The following DOK6 variants were observed in gnomAD, a reference collection of about 807,000 sequenced individuals.
DOK6 encodes the protein downstream of tyrosine kinase 6.
A neutral mutation model predicts 44.0 loss-of-function variants in DOK6; 22 were observed. The observed-to-expected ratio is 0.50, with a 90% confidence interval of 0.36 to 0.71. The LOEUF (loss-of-function observed/expected upper bound fraction) is 0.71. DOK6 is among the 30% of genes least tolerant of loss of function. The pLI is 0.00. For synonymous variants in DOK6, 166 were observed against 145.5 expected (o/e 1.14, Z -1.01); for missense variants, 340 against 416.4 (o/e 0.82, Z 1.60).
chr18:69,487,862 T>C (rs1980626735), intron 1 of DOK6, among the ~76,000 whole-genome samples: 1 of 152,194 alleles, frequency 6.6e-6, no homozygotes, highest in Non-Finnish European at 1.5e-5. Context: ...ACTCCCCAAA[T>C]GCTTTCACAA....
At chr18:69,465,907 A>G (rs1208860427) in intron 1 of DOK6, among the ~76,000 whole-genome samples, 3 of 152,210 alleles carry the variant, frequency 2.0e-5, no homozygotes, top group Admixed American at 2.0e-4. Context: ...TGATACCTTA[A>G]ACATTTATAG....
At chr18:69,443,420 T>C (rs961909) in intron 1 of DOK6, among the ~76,000 whole-genome samples, 30,261 of 152,086 alleles carry the variant, frequency 0.2, 3,400 homozygotes, top group Non-Finnish European at 0.23. Context: ...TATCTTCTCT[T>C]TGTTCTGCAG....
intron 7 of DOK6, among the ~76,000 whole-genome samples, chr18:69,771,169 T>C (rs911168973): frequency 6.6e-6 from 1 of 152,036 alleles, no homozygotes; most frequent in African/African-American, 2.4e-5. Context: ...TGAAGAAATA[T>C]GTGAATAAAA....
At chr18:69,813,935 A>G (rs1194910432) in intron 7 of DOK6, among the ~76,000 whole-genome samples, 2 of 152,174 alleles carry the variant, frequency 1.3e-5, no homozygotes, top group Non-Finnish European at 2.9e-5. Flanking sequence ...AAGTAATTAT[A>G]TGTGAAAATA....
intron 1 of DOK6, among the ~76,000 whole-genome samples, chr18:69,495,590 G>A (rs562891257): frequency 1.3e-4 from 20 of 152,260 alleles, no homozygotes; most frequent in East Asian, 7.7e-4. Context: ...AGCTATAGGC[G>A]GGCCCAGAAA....
chr18:69,635,348 C>T (rs953986540), intron 3 of DOK6, among the ~76,000 whole-genome samples: 4 of 152,054 alleles, frequency 2.6e-5, no homozygotes, highest in African/African-American at 9.7e-5. Context: ...CTGTGCAGGA[C>T]GTAGAAATGT....
chr18:69,471,250 CAAAA>C (rs71176969), intron 1 of DOK6, among the ~76,000 whole-genome samples: 621 of 27,694 alleles, frequency 0.022, 2 homozygotes, highest in African/African-American at 0.066. Context: ...AACTCCATCT[CAAAA>C]AAAAAAAAAA....
At chr18:69,606,857 A>G (rs1030938424) in intron 3 of DOK6, among the ~76,000 whole-genome samples, 1 of 144,876 alleles carries the variant, frequency 6.9e-6, no homozygotes, top group African/African-American at 2.6e-5. Context: ...TCCGCCTCCC[A>G]GGTTCAAGCA....
chr18:69,566,177 A>G (rs7232301), intron 2 of DOK6, among the ~76,000 whole-genome samples: 145,627 of 152,060 alleles, frequency 0.96, 70,075 homozygotes, highest in Non-Finnish European at 1. Flanking sequence ...TGGCTCTGTC[A>G]CCCAGGCTGG....
Position 69,725,365 on chromosome 18 carries a change from C to A in DOK6, c.600-13600C>A, listed in dbSNP as rs534116564. Among the ~76,000 whole-genome samples the A allele has an allele frequency of 3.0e-3, 450 of 152,264 alleles. 1 individual carries two copies. The highest frequency in any genetic ancestry group is 5.4e-3 in the Non-Finnish European group (370 of 68,020). The stretch of plus-strand genomic sequence containing the variant: ...GTTCTGTAAGGAGGCTTTCTGTAGC[C>A]CTTGGTTCTTTCTTCATGTTCAAAA... On this transcript the variant is annotated intron_variant, in intron 5 of 7. Coordinates refer to ENST00000382713, the MANE Select transcript of DOK6 (RefSeq NM_152721.6).
intron 4 of DOK6, 22 bp from the exon 5 acceptor site, chr18:69,698,382 T>G: frequency 6.3e-7 from 1 of 1,587,760 alleles, no homozygotes; most frequent in South Asian, 1.2e-5. Context: ...CTTAACCTTC[T>G]CCATTCTTCG....
intron 1 of DOK6, among the ~76,000 whole-genome samples, chr18:69,406,847 G>A (rs1200466926): frequency 2.6e-5 from 4 of 152,268 alleles, no homozygotes; most frequent in Non-Finnish European, 2.9e-5. Flanking sequence ...TTGGGAGGCC[G>A]AGGCTGGCGG....
chr18:69,516,380 C>T (rs1449542338), intron 1 of DOK6, among the ~76,000 whole-genome samples: 1 of 152,076 alleles, frequency 6.6e-6, no homozygotes, highest in Non-Finnish European at 1.5e-5. Flanking sequence ...ACCAACTCTG[C>T]CTGAGGGAAC....
intron 1 of DOK6, among the ~76,000 whole-genome samples, chr18:69,545,516 CAAAAAAA>C (rs397760145): frequency 5.7e-5 from 4 of 69,578 alleles, no homozygotes; most frequent in Admixed American, 1.8e-4. Context: ...AGTGAAATAC[CAAAAAAA>C]AAAAAAAAAA....
chr18:69,564,249 A>G (rs1260625249), intron 1 of DOK6, among the ~76,000 whole-genome samples: 1 of 152,252 alleles, frequency 6.6e-6, no homozygotes, highest in Admixed American at 6.5e-5. Context: ...TAGTTATATT[A>G]AAGACTACTA....
intron 4 of DOK6, among the ~76,000 whole-genome samples, chr18:69,681,904 G>A (rs1265666722): frequency 1.3e-5 from 2 of 152,198 alleles, no homozygotes; most frequent in African/African-American, 4.8e-5. Flanking sequence ...ATTTGCTACT[G>A]ATGCAAGAGA....
intron 1 of DOK6, among the ~76,000 whole-genome samples, chr18:69,464,373 G>A (rs1358366628): frequency 2.0e-5 from 3 of 152,086 alleles, no homozygotes; most frequent in African/African-American, 7.2e-5. Context: ...CAGTTATTAG[G>A]GTCCACTTTC....
chr18:69,545,352 T>C (rs966665920), intron 1 of DOK6, among the ~76,000 whole-genome samples: 2 of 150,272 alleles, frequency 1.3e-5, no homozygotes, highest in Non-Finnish European at 3.0e-5. Flanking sequence ...TTCATTCTTA[T>C]TGTAATGATG....
intron 1 of DOK6, among the ~76,000 whole-genome samples, chr18:69,559,393 C>A (rs960480467): frequency 6.6e-6 from 1 of 152,046 alleles, no homozygotes; most frequent in African/African-American, 2.4e-5. Flanking sequence ...TACAAAAAGA[C>A]AACAACTATA....
Sources: gnomAD v4.1 joint callset for allele counts (sites outside exome capture counted in the v4.1 genomes callset) on GRCh38, gnomAD v4.1.1 for gene constraint, MANE v1.5 for transcripts, NCBI Gene and HGNC (gene_info 2026-07-23, HGNC 2026-07-21) for gene names.